Variants in COL11A1 observed in about 807,000 individuals in gnomAD.
COL11A1 encodes collagen alpha-1(XI) chain.
Under a neutral mutation model 265.2 loss-of-function variants are expected in COL11A1, and 74 were observed. That is an observed-to-expected ratio of 0.28 (90% CI 0.23 to 0.34). The LOEUF (loss-of-function observed/expected upper bound fraction) is 0.34. Ranked by LOEUF, COL11A1 falls within the 10% of genes least tolerant of loss-of-function variation. The probability of loss-of-function intolerance (pLI) is 1.00; values close to 1 mark genes in which losing one functional copy is unlikely to be tolerated. For synonymous variants in COL11A1, 816 were observed against 727.6 expected (o/e 1.12, Z -1.96); for missense variants, 2,165 against 2,263.6 (o/e 0.96, Z 0.88).
At chr1:102,933,587 G>A (rs1194638153) in intron 46 of COL11A1, among the ~76,000 whole-genome samples, 2 of 152,194 alleles carry the variant, frequency 1.3e-5, no homozygotes, top group East Asian at 3.9e-4. Flanking sequence ...ACAGAGGCAG[G>A]CAGGCCTCCT....
In COL11A1 at chr1:103,078,885, G is replaced by C; in HGVS notation, c.275-14C>G. ...GGAAAGTTCCACCTGAGAAGAAAAG[G>C]CCAAAGAGTTAGAAATTTCCAATTT... On this transcript the variant is annotated splice_polypyrimidine_tract_variant and intron_variant, in intron 2 of 66. Transcript: ENST00000370096. The C allele has an allele frequency of 6.4e-7, 1 of 1,566,908 alleles. No individual in the cohort carries two copies. The highest frequency in any genetic ancestry group is 8.8e-7 in the Non-Finnish European group (1 of 1,141,828).
chr1:102,902,219 A>T (rs553206151), intron 54 of COL11A1, among the ~76,000 whole-genome samples: 2 of 152,316 alleles, frequency 1.3e-5, no homozygotes, highest in East Asian at 3.9e-4. Context: ...GTAGCTAAGC[A>T]TCTATGCATT....
chr1:102,920,264 G>C, intron 49 of COL11A1, 47 bp downstream of exon 49: 2 of 1,532,508 alleles, frequency 1.3e-6, no homozygotes, highest in Non-Finnish European at 9.0e-7. Flanking sequence ...TATTATTACA[G>C]TTCTTAATTC....
At chr1:103,063,898 T>C (rs1208529533) in intron 4 of COL11A1, among the ~76,000 whole-genome samples, 3 of 152,168 alleles carry the variant, frequency 2.0e-5, no homozygotes, top group Non-Finnish European at 4.4e-5. Context: ...TGCACAAATA[T>C]GTTGAACACC....
intron 2 of COL11A1, among the ~76,000 whole-genome samples, chr1:103,080,018 C>T (rs1379632134): frequency 6.6e-6 from 1 of 151,670 alleles, no homozygotes; most frequent in African/African-American, 2.4e-5. Flanking sequence ...CACCAAAGTA[C>T]TATTTATAAT....
Position 103,104,139 on chromosome 1 carries a change from C to CT in COL11A1, c.106+3933dup, listed in dbSNP as rs5776678. Among the ~76,000 whole-genome samples, 1,499 of 152,050 alleles carry CT rather than the reference C, an allele frequency of 9.9e-3. 28 individuals carry two copies. Among genetic ancestry groups the CT allele is most frequent in the African/African-American group, 0.033 (1,390 of 41,510 alleles). On this transcript the variant is annotated intron_variant, in intron 1 of 66. Coordinates refer to ENST00000370096, the MANE Select transcript of COL11A1 (RefSeq NM_001854.4). ...TCTTTTAAAAATCTTATATAAACAC[C>CT]TTTTTTTAACCTTTTAAAAATTCAG...
intron 65 of COL11A1, 80 bp downstream of exon 65, chr1:102,881,617 G>C: frequency 1.7e-6 from 2 of 1,178,490 alleles, no homozygotes; most frequent in Non-Finnish European, 2.5e-6. Context: ...GACTTTCACT[G>C]TTAAAGTCCA....
intron 4 of COL11A1, among the ~76,000 whole-genome samples, chr1:103,070,919 T>A (rs1232653962): frequency 6.6e-6 from 1 of 151,976 alleles, no homozygotes; most frequent in Non-Finnish European, 1.5e-5. Context: ...ATCAAGCTCT[T>A]AATGGCTTTT....
At chr1:102,993,448 T>A (rs1238374722) in intron 28 of COL11A1, among the ~76,000 whole-genome samples, 1 of 152,170 alleles carries the variant, frequency 6.6e-6, no homozygotes, top group African/African-American at 2.4e-5. Flanking sequence ...CCTTTATACT[T>A]TAAATCACCT....
rs201645288 is a variant in COL11A1, at chr1:102,898,928, A to AT, written c.4140+12dup. The AT allele has an allele frequency of 2.2e-3, 2,794 of 1,244,194 alleles. No homozygotes were observed. Among genetic ancestry groups the AT allele is most frequent in the South Asian group, 4.0e-3 (248 of 62,264 alleles). 77.1% of individuals were successfully genotyped at this position (1,244,194 alleles called of 1,614,324 possible). A position where few individuals can be genotyped will look rare whatever the true frequency, so the allele number is the denominator to read the frequency against. On this transcript the variant is annotated intron_variant, in intron 55 of 66. Coordinates refer to ENST00000370096, the MANE Select transcript of COL11A1 (RefSeq NM_001854.4). Reference sequence around the variant, plus strand: ...ATATAATATATATTATGTATATATTATTTTTTTTTTACCTTAGCACCTTTT... The same window carrying AT: ...ATATAATATATATTATGTATATATTATTTTTTTTTTTACCTTAGCACCTTTT...
intron 1 of COL11A1, among the ~76,000 whole-genome samples, chr1:103,098,893 A>G (rs1674005362): frequency 6.6e-6 from 1 of 151,842 alleles, no homozygotes; most frequent in South Asian, 2.1e-4. Flanking sequence ...GCCTAGAACC[A>G]AAATAGAGAC....
At chr1:102,934,924 A>G (rs1350758655) in intron 45 of COL11A1, 136 bp downstream of exon 45, 3 of 796,314 alleles carry the variant, frequency 3.8e-6, no homozygotes, top group African/African-American at 3.4e-5. Flanking sequence ...TATATTTGAT[A>G]ATTTAAATTT....
rs144915661 is a variant in COL11A1, at chr1:102,983,257, C to T, written c.2556+881G>A. Among the ~76,000 whole-genome samples, 6 of 151,822 alleles carry T rather than the reference C, an allele frequency of 4.0e-5. No individual in the cohort carries two copies. The South Asian group carries it at 8.3e-4, about 21-fold the overall frequency. ...CTTAAAACATGTATATTTCAAATAG[C>T]CAAAAATGAGATTTGAGTGATGCAG... On this transcript the variant is annotated intron_variant, in intron 31 of 66. Coordinates refer to ENST00000370096, the MANE Select transcript of COL11A1 (RefSeq NM_001854.4).
chr1:103,066,805 C>A lies in COL11A1; in HGVS notation c.651+7813G>T, dbSNP rs117301408. The stretch of plus-strand genomic sequence containing the variant: ...CCTGACTCTAACAGGCACACTTTAA[C>A]TATGCAGACACATAATTTGAAAATA... On this transcript the variant is annotated intron_variant, in intron 4 of 66. Coordinates refer to ENST00000370096, the MANE Select transcript of COL11A1 (RefSeq NM_001854.4). 6.8e-4 allele frequency among the ~76,000 whole-genome samples: 103 copies of A among 151,954 alleles called. 2 individuals carry two copies. In the East Asian group the frequency reaches 8.9e-3, roughly 13 times the overall value.
At chr1:103,004,975 T>C (rs1665459515) in intron 18 of COL11A1, among the ~76,000 whole-genome samples, 1 of 152,044 alleles carries the variant, frequency 6.6e-6, no homozygotes, top group African/African-American at 2.4e-5. Context: ...TTCAGAAACT[T>C]ATTTTGCTGA....
chr1:102,973,238 C>T (rs1206918115), intron 36 of COL11A1, among the ~76,000 whole-genome samples: 1 of 152,098 alleles, frequency 6.6e-6, no homozygotes, highest in Admixed American at 6.6e-5. Flanking sequence ...GAAAGAAATA[C>T]TCCTTCTTGT....
At chr1:103,081,497 GA>G (rs1230609688) in intron 2 of COL11A1, among the ~76,000 whole-genome samples, 1 of 151,456 alleles carries the variant, frequency 6.6e-6, no homozygotes, top group Non-Finnish European at 1.5e-5. Flanking sequence ...TTCAAAGTCA[GA>G]AAAAAAGTTC....
At chr1:102,879,637 C>T (rs745825336) in intron 66 of COL11A1, 46 bp downstream of exon 66, 3 of 1,545,758 alleles carry the variant, frequency 1.9e-6, no homozygotes, top group African/African-American at 2.7e-5. Flanking sequence ...CGGTGACATG[C>T]TGCCTATCAT....
At chr1:103,014,257 C>T (rs552649226) in intron 13 of COL11A1, among the ~76,000 whole-genome samples, 186 of 152,056 alleles carry the variant, frequency 1.2e-3, no homozygotes, top group African/African-American at 4.3e-3. Flanking sequence ...AGAAATCTTG[C>T]GTGTTATGGT....
Sources: allele counts gnomAD v4.1 joint callset (sites outside exome capture counted in the v4.1 genomes callset), GRCh38; gene constraint gnomAD v4.1.1; transcripts MANE v1.5; gene names NCBI Gene and HGNC (gene_info 2026-07-23, HGNC 2026-07-21).